The following CSMD1 variants were observed in gnomAD, a reference collection of about 807,000 sequenced individuals.
CSMD1 encodes CUB and sushi domain-containing protein 1.
In CSMD1, 213 loss-of-function variants were observed where a neutral mutation model predicts 417.5. That is an observed-to-expected ratio of 0.51 (90% CI 0.46 to 0.57). The LOEUF is 0.57. Among genes scored for constraint, CSMD1 ranks in the 20% least tolerant of loss-of-function variants. The probability of loss-of-function intolerance (pLI) is 0.00; values close to 1 mark genes in which losing one functional copy is unlikely to be tolerated. For missense variants in CSMD1, 6,923 were observed against 4,529.7 expected (o/e 1.53, Z -15.17); for synonymous variants, 2,862 against 1,736.8 (o/e 1.65, Z -16.11).
rs751348857 is a variant in CSMD1, at chr8:3,091,504, T to A, written c.7285+12A>T. Reference sequence around the variant, plus strand: ...AATACTTTCATATAAAATCTAAACCTCATTTACTTACCTGCATAGCGAATC... The same window carrying A: ...AATACTTTCATATAAAATCTAAACCACATTTACTTACCTGCATAGCGAATC... On this transcript the variant is annotated intron_variant, in intron 48 of 69. Coordinates refer to ENST00000635120, the MANE Select transcript of CSMD1 (RefSeq NM_033225.6). 6.3e-7 allele frequency: 1 copy of A among 1,584,956 alleles called. No individual in the cohort carries two copies. The highest frequency in any genetic ancestry group is 1.4e-5 in the African/African-American group (1 of 73,628).
intron 27 of CSMD1, among the ~76,000 whole-genome samples, chr8:3,227,429 G>C (rs78617527): frequency 0.044 from 6,671 of 152,076 alleles, 204 homozygotes; most frequent in South Asian, 0.11. Context: ...CGTTTTAAAA[G>C]TCCGAGAAAT....
intron 8 of CSMD1, among the ~76,000 whole-genome samples, chr8:3,612,708 T>C (rs568226206): frequency 3.3e-5 from 5 of 151,920 alleles, no homozygotes; most frequent in African/African-American, 9.7e-5. Context: ...CAAGGGAAAA[T>C]AGAATGTAAT....
intron 11 of CSMD1, among the ~76,000 whole-genome samples, chr8:3,473,276 T>A (rs1388227271): frequency 6.6e-6 from 1 of 152,192 alleles, no homozygotes; most frequent in African/African-American, 2.4e-5. Flanking sequence ...AGTTCTTCAA[T>A]CAAATGTCAA....
chr8:3,873,102 G>C (rs1805590806), intron 5 of CSMD1, among the ~76,000 whole-genome samples: 1 of 152,116 alleles, frequency 6.6e-6, no homozygotes, highest in Non-Finnish European at 1.5e-5. Flanking sequence ...TACACTCTTG[G>C]TGGGAGTGTA....
chr8:3,398,569 A>G (rs1468417826), intron 16 of CSMD1, among the ~76,000 whole-genome samples: 2 of 152,226 alleles, frequency 1.3e-5, no homozygotes, highest in Non-Finnish European at 2.9e-5. Context: ...TTGAGACACC[A>G]TAATATTCCG....
rs529777840 is a variant in CSMD1, at chr8:4,693,294, A to C, written c.86-55736T>G. On this transcript the variant is annotated intron_variant, in intron 1 of 69. Transcript: ENST00000635120. ...TTCATGGAGAGGTAGATAGGGAAGA[A>C]GGAATAGCAAAAACATCATAACTTT... Among the ~76,000 whole-genome samples the C allele has an allele frequency of 7.4e-4, 112 of 152,354 alleles. 1 individual carries two copies. The highest frequency in any genetic ancestry group is 2.6e-3 in the African/African-American group (107 of 41,590).
At chr8:4,248,758 A>C (rs927729070) in intron 3 of CSMD1, among the ~76,000 whole-genome samples, 10 of 152,074 alleles carry the variant, frequency 6.6e-5, no homozygotes, top group Admixed American at 5.9e-4. Context: ...TACACTTATT[A>C]AGCGCATGGT....
At chr8:4,197,258 G>C (rs1383362632) in intron 3 of CSMD1, among the ~76,000 whole-genome samples, 2 of 152,192 alleles carry the variant, frequency 1.3e-5, no homozygotes, top group East Asian at 3.9e-4. Flanking sequence ...TAACCAGATA[G>C]ATTTTCAAAT....
intron 5 of CSMD1, among the ~76,000 whole-genome samples, chr8:3,915,953 G>C (rs1368306112): frequency 6.6e-6 from 1 of 150,632 alleles, no homozygotes; most frequent in African/African-American, 2.4e-5. Context: ...CAAACTTTAG[G>C]TAAACGGACT....
At chr8:3,564,776 G>C (rs1414176164) in intron 10 of CSMD1, among the ~76,000 whole-genome samples, 2 of 151,946 alleles carry the variant, frequency 1.3e-5, no homozygotes, top group Admixed American at 1.3e-4. Flanking sequence ...AATCGATCTT[G>C]AAAGGGGTGA....
At position 3,107,764 on chromosome 8, in the gene CSMD1, C is replaced by T. The variant is rs748899389; in HGVS notation, c.6789G>A (p.Ala2263=). The change falls in exon 45 of 70, where the codon GCG becomes GCA. Residue 2263 remains alanine (A), a synonymous_variant. Transcript: ENST00000635120. ...FQLKKCQPPP[A]VPQAEMLTED... is the part of the protein sequence containing the mutation. ...CAGTAAGCATTTCTGCCTGTGGAAC[C>T]GCTGGGGGAGGTTGACATTTCTTGA... 7.6e-6 allele frequency: 12 copies of T among 1,586,612 alleles called. No individual in the cohort carries two copies. Among genetic ancestry groups the T allele is most frequent in the African/African-American group, 4.1e-5 (3 of 72,988 alleles).
At chr8:4,339,207 T>C (rs1800340896) in intron 3 of CSMD1, among the ~76,000 whole-genome samples, 1 of 152,136 alleles carries the variant, frequency 6.6e-6, no homozygotes, top group Non-Finnish European at 1.5e-5. Flanking sequence ...TCTGCAAGTA[T>C]ACCCCAGGCA....
intron 9 of CSMD1, among the ~76,000 whole-genome samples, chr8:3,578,015 C>G (rs1407329605): frequency 6.6e-6 from 1 of 152,152 alleles, no homozygotes; most frequent in East Asian, 1.9e-4. Context: ...TGTCCCCTAG[C>G]TGTCCTGCAG....
intron 63 of CSMD1, among the ~76,000 whole-genome samples, chr8:2,957,209 G>T (rs1053663747): frequency 6.6e-6 from 1 of 152,064 alleles, no homozygotes; most frequent in Admixed American, 6.5e-5. Flanking sequence ...GTTATAGCAA[G>T]AATAATTTTT....
chr8:4,560,391 T>C (rs1798275860), intron 2 of CSMD1, among the ~76,000 whole-genome samples: 1 of 152,212 alleles, frequency 6.6e-6, no homozygotes, highest in Admixed American at 6.5e-5. Flanking sequence ...ATGTTCCTAG[T>C]CCTTGCCTTT....
At chr8:3,373,492 A>T (rs571505365) in intron 18 of CSMD1, 1 of 152,336 alleles carries the variant, frequency 6.6e-6, no homozygotes, top group South Asian at 2.1e-4. Flanking sequence ...AATATTTTTC[A>T]GGAGAAGGAA....
chr8:3,587,138 G>C (rs1188717313), intron 8 of CSMD1, among the ~76,000 whole-genome samples: 1 of 152,202 alleles, frequency 6.6e-6, no homozygotes, highest in East Asian at 1.9e-4. Flanking sequence ...CCTGGATTTA[G>C]AGAAAAAACT....
At chr8:4,578,795 C>G (rs1203594949) in intron 2 of CSMD1, among the ~76,000 whole-genome samples, 2 of 126,206 alleles carry the variant, frequency 1.6e-5, no homozygotes, top group Non-Finnish European at 3.1e-5. Context: ...GCCTGGGTGA[C>G]AGAGATAGAC....
chr8:4,110,766 G>A (rs1003543787), intron 3 of CSMD1, among the ~76,000 whole-genome samples: 3 of 151,966 alleles, frequency 2.0e-5, no homozygotes, highest in Non-Finnish European at 4.4e-5. Context: ...TCAGATTACA[G>A]ACATTCAAAC....
Sources: gnomAD v4.1 joint callset for allele counts (sites outside exome capture counted in the v4.1 genomes callset) on GRCh38, gnomAD v4.1.1 for gene constraint, MANE v1.5 for transcripts, NCBI Gene and HGNC (gene_info 2026-07-23, HGNC 2026-07-21) for gene names.